UACA: variants seen among roughly 807,000 people sequenced by gnomAD.
The protein encoded by UACA is nuclear membrane binding protein.
In UACA, 112 loss-of-function variants were observed where a neutral mutation model predicts 160.5. The observed-to-expected ratio is 0.70, with a 90% CI of 0.60 to 0.82. The LOEUF is 0.82. Among genes scored for constraint, UACA ranks in the 40% least tolerant of loss-of-function variants. The pLI is 0.00. For missense variants in UACA, 1,574 were observed against 1,614.6 expected (o/e 0.97, Z 0.43); for synonymous variants, 557 against 568.4 (o/e 0.98, Z 0.29).
In UACA at chr15:70,751,222, T is replaced by TTCCTCA. The variant is rs1288322108; in HGVS notation, c.78+12102_78+12107dup. Among the ~76,000 whole-genome samples the TTCCTCA allele has an allele frequency of 3.3e-5, 5 of 152,152 alleles. No individual in the cohort carries two copies. In the South Asian group the frequency reaches 8.3e-4, roughly 25 times the overall value. ...ACAAAACTATGAGCCTCTTCTTATC[T>TTCCTCA]TCCTCATCCTCTCACCCTGCAGTGC... On this transcript the variant is annotated intron_variant, in intron 1 of 18. Transcript: ENST00000322954.
chr15:70,659,669 C>T (rs1896632424), intron 18 of UACA, among the ~76,000 whole-genome samples: 1 of 151,910 alleles, frequency 6.6e-6, no homozygotes, highest in Admixed American at 6.6e-5. Context: ...GGAATTCATA[C>T]TGTTATTCCT....
At chr15:70,750,017 G>A (rs1277222986) in intron 1 of UACA, among the ~76,000 whole-genome samples, 2 of 152,290 alleles carry the variant, frequency 1.3e-5, no homozygotes, top group East Asian at 1.9e-4. Context: ...CAAGGGGCTA[G>A]CAGGCTGGGT....
At chr15:70,771,505 T>A in the UACA span, among the ~76,000 whole-genome samples, 1 of 152,204 alleles carries the variant, frequency 6.6e-6, no homozygotes, top group African/African-American at 2.4e-5. Flanking sequence ...TTGTTGGGTG[T>A]CCAGAGTGTT....
At chr15:70,759,054 T>C (rs1567003445) in intron 1 of UACA, among the ~76,000 whole-genome samples, 1 of 152,184 alleles carries the variant, frequency 6.6e-6, no homozygotes, top group Non-Finnish European at 1.5e-5. Flanking sequence ...CTTGTATTTT[T>C]TGTGGAGATA....
chr15:70,716,636 T>A (rs2140983918), intron 1 of UACA, among the ~76,000 whole-genome samples: 1 of 152,308 alleles, frequency 6.6e-6, no homozygotes, highest in South Asian at 2.1e-4. Context: ...ATAATTTTTT[T>A]ATCCATTATC....
chr15:70,688,231 G>A (rs1021848326), intron 5 of UACA, among the ~76,000 whole-genome samples: 1 of 152,028 alleles, frequency 6.6e-6, no homozygotes, highest in Non-Finnish European at 1.5e-5. Context: ...AGTAAAGTAT[G>A]AATCATACAA....
At chr15:70,755,732 G>A (rs913379179) in intron 1 of UACA, among the ~76,000 whole-genome samples, 1 of 150,624 alleles carries the variant, frequency 6.6e-6, no homozygotes, top group Admixed American at 6.6e-5. Flanking sequence ...CAAGCTGCAC[G>A]CCCTCTAACT....
chr15:70,715,774 G>A (rs1265417578), intron 1 of UACA, among the ~76,000 whole-genome samples: 1 of 151,540 alleles, frequency 6.6e-6, no homozygotes, highest in Non-Finnish European at 1.5e-5. Flanking sequence ...GAGAAAGAAT[G>A]TTTGTTCTCA....
chr15:70,678,132 A>AT lies in UACA; in HGVS notation c.965dup (p.Asp322GlufsTer2). On this transcript the variant is annotated frameshift_variant, in exon 11 of 19. Transcript: ENST00000322954. LOFTEE classifies it high-confidence loss of function. ...GCTGTAACTGTAAACCATTGACTTTATCCAAAAGTATTCTTTGTTCTTGCT... is the reference window on the plus strand; with the variant it reads ...GCTGTAACTGTAAACCATTGACTTTATTCCAAAAGTATTCTTTGTTCTTGCT... 1 of 1,609,368 alleles carries AT rather than the reference A, an allele frequency of 6.2e-7. No homozygotes were observed. Among genetic ancestry groups the AT allele is most frequent in the Non-Finnish European group, 8.5e-7 (1 of 1,178,888 alleles).
intron 1 of UACA, chr15:70,701,939 C>T (rs751631770): frequency 1.2e-6 from 2 of 1,612,260 alleles, no homozygotes; most frequent in South Asian, 2.2e-5. Context: ...TTTCTTGTTG[C>T]TAATGGCAAA....
chr15:70,720,737 G>A (rs1898964757), intron 1 of UACA, among the ~76,000 whole-genome samples: 1 of 152,146 alleles, frequency 6.6e-6, no homozygotes, highest in Admixed American at 6.5e-5. Flanking sequence ...GTGATCAAGA[G>A]GACAAACTGT....
At chr15:70,696,964 C>T (rs1392133384) in intron 2 of UACA, among the ~76,000 whole-genome samples, 2 of 152,090 alleles carry the variant, frequency 1.3e-5, no homozygotes, top group African/African-American at 4.8e-5. Context: ...AATAGATGTG[C>T]TTTGGAAAGA....
chr15:70,775,422 G>T, the UACA span, among the ~76,000 whole-genome samples: 1 of 152,098 alleles, frequency 6.6e-6, no homozygotes, highest in African/African-American at 2.4e-5. Flanking sequence ...GTTCCCTTGG[G>T]TATGTCTAGC....
upstream of UACA, among the ~76,000 whole-genome samples, chr15:70,767,255 AAC>A (rs1567007240): frequency 8.8e-5 from 11 of 124,962 alleles, no homozygotes; most frequent in African/African-American, 3.8e-4. Context: ...AAAAAAAAAA[AAC>A]AAAAAACAAA....
intron 18 of UACA, among the ~76,000 whole-genome samples, chr15:70,659,167 G>A (rs952976651): frequency 5.3e-5 from 8 of 151,918 alleles, no homozygotes; most frequent in Non-Finnish European, 1.2e-4. Context: ...GTTTATCTCT[G>A]ATTTGCTCAA....
In UACA at chr15:70,763,360, G is replaced by A. The variant is rs1163006221; in HGVS notation, c.48C>T (p.Pro16=). ...TGGCGGCGGCGGCGCCAGACGACGC[G>A]GGGCCGGGCACGTCCTGCCTCCTCA... ...SRLRRQDVPG[P]ASSGAAAASA... Residue 16 remains proline (P), a synonymous_variant, in exon 1 of 19, where the codon CCC becomes CCT. Coordinates refer to ENST00000322954, the MANE Select transcript of UACA (RefSeq NM_018003.4). The A allele has an allele frequency of 3.0e-6, 4 of 1,334,950 alleles. No homozygotes were observed. The highest frequency in any genetic ancestry group is 2.9e-6 in the Non-Finnish European group (3 of 1,037,588). The allele number at this position is 1,334,950 out of a possible 1,614,324, so 82.7% of individuals were successfully genotyped here.
At position 70,699,671 on chromosome 15, in the gene UACA, G is replaced by GA. The variant is rs138930281; in HGVS notation, c.79-12dup. The GA allele has an allele frequency of 2.1e-3, 2,978 of 1,419,984 alleles. 1 individual carries two copies. Among genetic ancestry groups the GA allele is most frequent in the Admixed American group, 3.2e-3 (150 of 47,266 alleles). The allele number at this position is 1,419,984 out of a possible 1,614,324, so 88.0% of individuals were successfully genotyped here. ...CCAATCTGCTGCATGCTACAAAAAG[G>GA]AAAAAAAAAAGTAAATATGGCATAC... On this transcript the variant is annotated splice_polypyrimidine_tract_variant and intron_variant, in intron 1 of 18. Coordinates refer to ENST00000322954, the MANE Select transcript of UACA (RefSeq NM_018003.4).
chr15:70,676,746 T>A (rs1566970115), intron 12 of UACA, among the ~76,000 whole-genome samples, 155 bp from the exon 13 acceptor site: 1 of 152,182 alleles, frequency 6.6e-6, no homozygotes. Flanking sequence ...AGTTGATAAT[T>A]TCTACAAATA....
chr15:70,754,272 A>C, intron 1 of UACA: 1 of 396,254 alleles, frequency 2.5e-6, no homozygotes, highest in South Asian at 1.9e-5. Context: ...TTTTGACTTT[A>C]CAACAGTACA....
Sources: allele counts gnomAD v4.1 joint callset (sites outside exome capture counted in the v4.1 genomes callset), GRCh38; gene constraint gnomAD v4.1.1; transcripts MANE v1.5; gene names NCBI Gene and HGNC (gene_info 2026-07-23, HGNC 2026-07-21).